POLR3B: variants seen among roughly 807,000 people sequenced by gnomAD.
POLR3B encodes the protein DNA-directed RNA polymerase III subunit RPC2.
Under a neutral mutation model 147.4 loss-of-function variants are expected in POLR3B, and 96 were observed. The observed-to-expected ratio is 0.65, with a 90% CI of 0.55 to 0.77. The LOEUF is 0.77. POLR3B is among the 30% of genes least tolerant of loss of function. The pLI, the probability that POLR3B is intolerant of heterozygous loss-of-function variation, is 0.00. For synonymous variants in POLR3B, 461 were observed against 485.9 expected (o/e 0.95, Z 0.67); for missense variants, 1,036 against 1,413.5 (o/e 0.73, Z 4.28).
chr12:106,395,164 C>G (rs1400505834), intron 10 of POLR3B, among the ~76,000 whole-genome samples: 3 of 152,026 alleles, frequency 2.0e-5, no homozygotes, highest in Admixed American at 2.0e-4. Flanking sequence ...CCTGAGAGGT[C>G]AAGGCTGCAG....
At chr12:106,448,836 T>G (rs2037760543) in intron 19 of POLR3B, among the ~76,000 whole-genome samples, 2 of 152,174 alleles carry the variant, frequency 1.3e-5, no homozygotes, top group Non-Finnish European at 2.9e-5. Flanking sequence ...TTGAGTAACA[T>G]ATAAAAGGTT....
intron 23 of POLR3B, among the ~76,000 whole-genome samples, chr12:106,477,854 CG>C (rs1392291847): frequency 7.1e-6 from 1 of 140,312 alleles, no homozygotes; most frequent in Non-Finnish European, 1.5e-5. Flanking sequence ...GAGCTGTAGA[CG>C]GGAGCTGTTC....
chr12:106,460,739 C>T (rs761147978), intron 22 of POLR3B, among the ~76,000 whole-genome samples: 2 of 152,210 alleles, frequency 1.3e-5, no homozygotes, highest in Non-Finnish European at 2.9e-5. Context: ...TAATTTCATT[C>T]ACTCTTTTCA....
chr12:106,463,583 A>G lies in POLR3B; in HGVS notation c.2676A>G (p.Glu892=). ...TGCTGAGACAGACAAGGCGTCCAGA[A>G]ATTGGAGACAAATTCAGCAGTCGTC... The part of the protein sequence containing the change: ...KMLLRQTRRP[E]IGDKFSSRHG... The change falls in exon 23 of 28, where the codon GAA becomes GAG. Residue 892 remains glutamate, a synonymous_variant. Transcript: ENST00000228347. The G allele has an allele frequency of 1.2e-6, 2 of 1,613,838 alleles. No individual in the cohort carries two copies. The highest frequency in any genetic ancestry group is 1.7e-6 in the Non-Finnish European group (2 of 1,179,764).
intron 9 of POLR3B, among the ~76,000 whole-genome samples, chr12:106,385,085 A>G (rs887172588): frequency 1.3e-5 from 2 of 152,104 alleles, no homozygotes; most frequent in African/African-American, 2.4e-5. Context: ...TGGCCTCCCA[A>G]AGTGCTGGGA....
At chr12:106,437,455 C>G (rs370409578) in intron 17 of POLR3B, among the ~76,000 whole-genome samples, 68 of 152,090 alleles carry the variant, frequency 4.5e-4, no homozygotes, top group African/African-American at 1.6e-3. Flanking sequence ...GAAGTGGGGA[C>G]TAGGTTCACA....
intron 6 of POLR3B, among the ~76,000 whole-genome samples, chr12:106,370,031 T>G (rs1185542292): frequency 1.3e-5 from 2 of 152,178 alleles, no homozygotes; most frequent in Non-Finnish European, 2.9e-5. Context: ...ATTTAACTTT[T>G]TCTCATCTAC....
chr12:106,427,180 T>C lies in POLR3B; in HGVS notation c.1102-17T>C, dbSNP rs1593035152. On this transcript the variant is annotated splice_polypyrimidine_tract_variant and intron_variant, in intron 12 of 27. Transcript: ENST00000228347. ...GCTTTTTGAAAAATCACCATATACCTTTTTTTTTTTTTTTAGCTTTTATCT... is the reference window on the plus strand; with the variant it reads ...GCTTTTTGAAAAATCACCATATACCCTTTTTTTTTTTTTTAGCTTTTATCT... 2.4e-5 allele frequency: 3 copies of C among 123,444 alleles called. No individual in the cohort carries two copies. The highest frequency in any genetic ancestry group is 3.3e-5 in the Non-Finnish European group (3 of 90,550). The allele number at this position is 123,444 out of a possible 1,614,324, so 7.6% of individuals were successfully genotyped here. A position where few individuals can be genotyped will look rare whatever the true frequency, so the allele number is the denominator to read the frequency against.
At chr12:106,432,055 C>T (rs2037517433) in intron 14 of POLR3B, among the ~76,000 whole-genome samples, 1 of 151,786 alleles carries the variant, frequency 6.6e-6, no homozygotes, top group Non-Finnish European at 1.5e-5. Flanking sequence ...ATGTCGTCAG[C>T]ATTTACAATT....
intron 19 of POLR3B, among the ~76,000 whole-genome samples, chr12:106,445,912 T>C (rs933131009): frequency 6.6e-6 from 1 of 152,200 alleles, no homozygotes; most frequent in African/African-American, 2.4e-5. Context: ...ATATTTCTTT[T>C]CAAGTTTTTA....
Position 106,376,427 on chromosome 12 carries a change from T to C in POLR3B, c.473T>C (p.Leu158Pro), listed in dbSNP as rs772602443. 9 of 1,612,608 alleles carry C rather than the reference T, an allele frequency of 5.6e-6. No individual in the cohort carries two copies. In the African/African-American group the frequency reaches 9.3e-5, roughly 17 times the overall value. Residue 158 changes from leucine (L) to proline (P), a missense_variant, in exon 7 of 28, where the codon CTG (leucine) becomes CCG (proline). Leu to Pro is a moderately conservative substitution (Grantham distance 98). Coordinates refer to ENST00000228347, the MANE Select transcript of POLR3B (RefSeq NM_018082.6). The part of the protein sequence containing the change: ...TGKTPAEFAK[L>P]NECPLDPGGY... ...AAAACGCCAGCAGAATTTGCCAAAC[T>C]GAACGAATGTCCCTTAGATCCAGGT...
In POLR3B at chr12:106,427,359, G is replaced by A. The variant is rs1565893138; in HGVS notation, c.1263+1G>A. The A allele has an allele frequency of 2.5e-6, 4 of 1,612,070 alleles. No homozygotes were observed. Among genetic ancestry groups the A allele is most frequent in the Admixed American group, 3.3e-5 (2 of 59,982 alleles). On this transcript the variant is annotated splice_donor_variant, in intron 13 of 27. Transcript: ENST00000228347. LOFTEE classifies it high-confidence loss of function. The stretch of plus-strand genomic sequence containing the variant: ...TGGCATGGTGAATGCTATTTCTACC[G>A]TAAGTCTTCAGTCACTCTTTTAGGA...
chr12:106,398,840 C>T (rs2037018834), intron 10 of POLR3B, among the ~76,000 whole-genome samples: 1 of 152,114 alleles, frequency 6.6e-6, no homozygotes, highest in South Asian at 2.1e-4. Flanking sequence ...TGTACGTCAC[C>T]ATCATCAAAG....
chr12:106,504,056 AT>A lies in POLR3B; in HGVS notation c.3099-22del, dbSNP rs1565918635. 6.2e-7 allele frequency: 1 copy of A among 1,608,192 alleles called. No homozygotes were observed. On this transcript the variant is annotated intron_variant, in intron 26 of 27. Coordinates refer to ENST00000228347, the MANE Select transcript of POLR3B (RefSeq NM_018082.6). This position sits in a 1 kb window ranked among gnomAD's most constrained non-coding sequence, Gnocchi z 4.6. The stretch of plus-strand genomic sequence containing the variant: ...TGTTTGTTTAACAGAATAATAACAC[AT>A]TTGTCTAATAACTTGTTTCAAAGGC...
At chr12:106,502,485 G>T (rs1349626091) in intron 26 of POLR3B, among the ~76,000 whole-genome samples, 1 of 152,186 alleles carries the variant, frequency 6.6e-6, no homozygotes, top group Non-Finnish European at 1.5e-5. Context: ...TGTGAATACA[G>T]AATGTGTACA....
At chr12:106,407,517 T>C (rs2037165982) in intron 11 of POLR3B, among the ~76,000 whole-genome samples, 1 of 152,142 alleles carries the variant, frequency 6.6e-6, no homozygotes, top group African/African-American at 2.4e-5. Flanking sequence ...CTGCCGATAT[T>C]AACATTTGTT....
intron 17 of POLR3B, 84 bp from the exon 18 acceptor site, chr12:106,437,597 C>T (rs1031260210): frequency 1.3e-5 from 10 of 770,734 alleles, no homozygotes; most frequent in East Asian, 1.1e-4. Context: ...TGGGCCTAAA[C>T]GAAAGCCAGT....
intron 6 of POLR3B, among the ~76,000 whole-genome samples, chr12:106,375,984 AC>A (rs1221192041): frequency 1.3e-5 from 2 of 152,152 alleles, no homozygotes; most frequent in Non-Finnish European, 1.5e-5. Context: ...AGCTGGGACT[AC>A]CGGCACACAC....
intron 25 of POLR3B, among the ~76,000 whole-genome samples, chr12:106,499,085 A>T (rs928692053): frequency 4.6e-5 from 7 of 152,234 alleles, no homozygotes; most frequent in Non-Finnish European, 8.8e-5. Flanking sequence ...CATACCTGAG[A>T]TGTTATAGAA....
Sources: gnomAD v4.1 joint callset for allele counts (sites outside exome capture counted in the v4.1 genomes callset) on GRCh38, gnomAD v4.1.1 for gene constraint, Gnocchi (gnomAD v3.1) non-coding constraint, MANE v1.5 for transcripts, NCBI Gene and HGNC (gene_info 2026-07-23, HGNC 2026-07-21) for gene names.